CNTNAP2: variants seen among roughly 807,000 people sequenced by gnomAD.
CNTNAP2 encodes the protein contactin associated protein 2.
CNTNAP2 carries 98 observed loss-of-function variants against 155.2 expected under a neutral mutation model. The observed-to-expected ratio is 0.63, with a 90% confidence interval of 0.54 to 0.75. The LOEUF is 0.75. Ranked by LOEUF, CNTNAP2 falls within the 30% of genes least tolerant of loss-of-function variation. The pLI is 0.00. For synonymous variants in CNTNAP2, 651 were observed against 631.2 expected, an observed-to-expected ratio of 1.03 and a Z score of -0.47; for missense variants, 1,727 against 1,688.1, an observed-to-expected ratio of 1.02 and a Z score of -0.40.
At chr7:146,618,463 C>G (rs1799263642) in intron 1 of CNTNAP2, among the ~76,000 whole-genome samples, 1 of 152,092 alleles carries the variant, frequency 6.6e-6, no homozygotes, top group South Asian at 2.1e-4. Flanking sequence ...CTGTATTACA[C>G]TACAATCATG....
At chr7:148,157,036 G>A (rs770666455) in intron 17 of CNTNAP2, among the ~76,000 whole-genome samples, 9 of 152,118 alleles carry the variant, frequency 5.9e-5, no homozygotes, top group African/African-American at 1.7e-4. Flanking sequence ...GAAGGTGAAC[G>A]GCTGTGTAGC....
intron 1 of CNTNAP2, among the ~76,000 whole-genome samples, chr7:146,529,810 C>CA (rs1484233010): frequency 6.6e-6 from 1 of 151,990 alleles, no homozygotes; most frequent in East Asian, 1.9e-4. Context: ...ACTAAAAATA[C>CA]AAAAACTAGC....
At chr7:146,149,297 A>G (rs1471887173) in intron 1 of CNTNAP2, among the ~76,000 whole-genome samples, 1 of 152,160 alleles carries the variant, frequency 6.6e-6, no homozygotes, top group African/African-American at 2.4e-5. Flanking sequence ...TGACACTTTT[A>G]AAAACATAAA....
intron 8 of CNTNAP2, among the ~76,000 whole-genome samples, chr7:147,208,488 C>G (rs939820181): frequency 6.6e-6 from 1 of 151,990 alleles, no homozygotes; most frequent in African/African-American, 2.4e-5. Context: ...AGTGCAGGGT[C>G]TAGTAGGAAA....
At chr7:146,613,542 C>T (rs889363197) in intron 1 of CNTNAP2, among the ~76,000 whole-genome samples, 1 of 151,944 alleles carries the variant, frequency 6.6e-6, no homozygotes, top group Non-Finnish European at 1.5e-5. Context: ...TTTATTTAAT[C>T]CAGTGTGTCG....
chr7:146,145,579 A>C (rs1282086097), intron 1 of CNTNAP2, among the ~76,000 whole-genome samples: 2 of 152,156 alleles, frequency 1.3e-5, no homozygotes, highest in African/African-American at 2.4e-5. Context: ...TTCCCAGTGG[A>C]GGTACATGGA....
chr7:146,230,816 A>G (rs944710765), intron 1 of CNTNAP2, among the ~76,000 whole-genome samples: 2 of 152,070 alleles, frequency 1.3e-5, no homozygotes, highest in Admixed American at 1.3e-4. Context: ...GGAGTTTGAG[A>G]CCAGCCTGGC....
intron 4 of CNTNAP2, among the ~76,000 whole-genome samples, chr7:147,071,348 C>T (rs1033675711): frequency 6.9e-6 from 1 of 145,920 alleles, no homozygotes; most frequent in African/African-American, 2.7e-5. Flanking sequence ...AAGATGTATA[C>T]ATTCCTCCAA....
At chr7:148,242,923 CT>C (rs1488714361) in intron 20 of CNTNAP2, among the ~76,000 whole-genome samples, 1 of 152,130 alleles carries the variant, frequency 6.6e-6, no homozygotes, top group African/African-American at 2.4e-5. Context: ...ATTGCCTTTC[CT>C]CTTATATCTT....
chr7:147,135,739 C>A (rs1014713061), intron 8 of CNTNAP2, among the ~76,000 whole-genome samples: 1 of 150,346 alleles, frequency 6.7e-6, no homozygotes, highest in Non-Finnish European at 1.5e-5. Context: ...ATTTTAGATG[C>A]ACTATGATAA....
At chr7:146,661,676 C>T (rs1301324455) in intron 1 of CNTNAP2, among the ~76,000 whole-genome samples, 3 of 151,494 alleles carry the variant, frequency 2.0e-5, no homozygotes, top group Non-Finnish European at 4.4e-5. Flanking sequence ...GTTTGCTTAT[C>T]CACTCACTAG....
At chr7:147,978,554 G>A (rs1801470356) in intron 15 of CNTNAP2, among the ~76,000 whole-genome samples, 2 of 152,112 alleles carry the variant, frequency 1.3e-5, no homozygotes, top group Non-Finnish European at 2.9e-5. Context: ...GGAATTTGGG[G>A]CTGCTAGCTT....
intron 13 of CNTNAP2, among the ~76,000 whole-genome samples, chr7:147,840,490 G>A (rs74435673): frequency 0.011 from 1,673 of 152,182 alleles, 92 homozygotes; most frequent in Admixed American, 0.09. Context: ...GAGAGTGCCC[G>A]GGAGGGAGAT....
chr7:148,186,747 G>C (rs930795054), intron 18 of CNTNAP2, among the ~76,000 whole-genome samples: 14 of 152,144 alleles, frequency 9.2e-5, no homozygotes, highest in Admixed American at 8.5e-4. Flanking sequence ...GCCTAAGTTT[G>C]ACACAAAAGG....
At chr7:146,449,364 C>G (rs1370625503) in intron 1 of CNTNAP2, among the ~76,000 whole-genome samples, 3 of 151,878 alleles carry the variant, frequency 2.0e-5, no homozygotes, top group Non-Finnish European at 4.4e-5. Flanking sequence ...CTTTTTTCCT[C>G]TTGTGCATGT....
intron 8 of CNTNAP2, among the ~76,000 whole-genome samples, chr7:147,294,015 CTT>C (rs1337113999): frequency 1.3e-5 from 2 of 152,068 alleles, no homozygotes; most frequent in East Asian, 3.9e-4. Flanking sequence ...AGTTGAAACA[CTT>C]TTATCATTAC....
At chr7:148,100,646 G>C (rs183551985) in intron 15 of CNTNAP2, among the ~76,000 whole-genome samples, 1 of 152,134 alleles carries the variant, frequency 6.6e-6, no homozygotes, top group Non-Finnish European at 1.5e-5. Flanking sequence ...TACATAGATC[G>C]ATTTTATGGT....
intron 3 of CNTNAP2, among the ~76,000 whole-genome samples, chr7:146,955,986 T>C (rs1470152488): frequency 6.6e-6 from 1 of 152,050 alleles, no homozygotes; most frequent in Non-Finnish European, 1.5e-5. Context: ...TTTCTTATTA[T>C]GTATACGTTT....
chr7:146,906,910 T>A (rs1796143496), intron 3 of CNTNAP2, among the ~76,000 whole-genome samples: 1 of 144,678 alleles, frequency 6.9e-6, no homozygotes, highest in South Asian at 2.3e-4. Context: ...TTGAAAAAAA[T>A]TTAGAAGAAT....
Sources: gnomAD v4.1 joint callset for allele counts (sites outside exome capture counted in the v4.1 genomes callset) on GRCh38, gnomAD v4.1.1 for gene constraint, MANE v1.5 for transcripts, NCBI Gene and HGNC (gene_info 2026-07-23, HGNC 2026-07-21) for gene names.